Variants in ZFYVE16 observed in about 807,000 individuals in gnomAD.
ZFYVE16 encodes the protein zinc finger FYVE-type containing 16.
Under a neutral mutation model 138.1 loss-of-function variants are expected in ZFYVE16, and 89 were observed. The ratio of observed to expected loss-of-function variants is 0.64; its 90% CI spans 0.54 to 0.77. The LOEUF (loss-of-function observed/expected upper bound fraction) is 0.77, where lower values mean the gene tolerates loss of function less well. Ranked by LOEUF, ZFYVE16 falls within the 30% of genes least tolerant of loss-of-function variation. The pLI is 0.00. For missense variants in ZFYVE16, 1,793 were observed against 1,786.7 expected (o/e 1.00, Z -0.06); for synonymous variants, 596 against 618.3 (o/e 0.96, Z 0.53).
chr5:80,471,842 T>A (rs537039750), intron 15 of ZFYVE16, among the ~76,000 whole-genome samples: 2 of 152,320 alleles, frequency 1.3e-5, no homozygotes, highest in East Asian at 1.9e-4. Flanking sequence ...ATTTTTCACT[T>A]TCTTAAGATG....
intron 1 of ZFYVE16, among the ~76,000 whole-genome samples, chr5:80,413,896 G>T (rs1168784566): frequency 2.0e-5 from 3 of 152,172 alleles, no homozygotes; most frequent in Admixed American, 2.0e-4. Context: ...TATTACAGAA[G>T]ATGGGAGTTT....
intron 15 of ZFYVE16, among the ~76,000 whole-genome samples, chr5:80,467,098 T>A (rs1220655266): frequency 6.6e-6 from 1 of 152,192 alleles, no homozygotes; most frequent in Non-Finnish European, 1.5e-5. Context: ...TTTTCCTGAC[T>A]CTAAGCTTAC....
At chr5:80,465,526 C>T (rs1279343436) in intron 15 of ZFYVE16, among the ~76,000 whole-genome samples, 1 of 147,928 alleles carries the variant, frequency 6.8e-6, no homozygotes, top group Admixed American at 6.9e-5. Flanking sequence ...CCATCTCAGC[C>T]TCCTGAGTAG....
At chr5:80,467,056 C>T (rs1384200705) in intron 15 of ZFYVE16, among the ~76,000 whole-genome samples, 1 of 152,076 alleles carries the variant, frequency 6.6e-6, no homozygotes, top group Non-Finnish European at 1.5e-5. Flanking sequence ...CAGGTGGTTC[C>T]CTGGAAGACC....
Position 80,461,582 on chromosome 5 carries a change from A to G in ZFYVE16, c.4024+2088A>G, listed in dbSNP as rs116770449. On this transcript the variant is annotated intron_variant, in intron 15 of 18. Coordinates refer to ENST00000505560, the MANE Select transcript of ZFYVE16 (RefSeq NM_001284236.3). ...CTAGAAGTCCAAGATCAAGGTGCCA[A>G]CAGGGTTGGTTTCTGGTAAGGCTTG... 1.0e-2 allele frequency among the ~76,000 whole-genome samples: 1,520 copies of G among 152,336 alleles called. 11 individuals carry two copies. Among genetic ancestry groups the G allele is most frequent in the Middle Eastern group, 0.037 (11 of 294 alleles).
At chr5:80,415,689 A>G (rs1489593528) in intron 1 of ZFYVE16, among the ~76,000 whole-genome samples, 4 of 151,390 alleles carry the variant, frequency 2.6e-5, no homozygotes, top group Non-Finnish European at 5.9e-5. Flanking sequence ...TTTTTTTGAG[A>G]TGGAGTCTCC....
At chr5:80,414,301 T>TG (rs1263028426) in intron 1 of ZFYVE16, among the ~76,000 whole-genome samples, 1 of 152,232 alleles carries the variant, frequency 6.6e-6, no homozygotes, top group African/African-American at 2.4e-5. Context: ...CTTGATGGGT[T>TG]GCTCTCTAGG....
intron 1 of ZFYVE16, among the ~76,000 whole-genome samples, chr5:80,426,284 ATATATATAT>A (rs1561246440): frequency 3.6e-4 from 53 of 148,466 alleles, no homozygotes; most frequent in Non-Finnish European, 4.9e-4. Flanking sequence ...ATATATATAT[ATATATATAT>A]AATTAAATTT....
chr5:80,477,093 A>G, intron 18 of ZFYVE16, 126 bp from the exon 19 acceptor site: 2 of 753,898 alleles, frequency 2.7e-6, no homozygotes, highest in Non-Finnish European at 3.9e-6. Context: ...ATTTTTTTAT[A>G]AATATATCAA....
chr5:80,446,637 C>T (rs1751386148), intron 7 of ZFYVE16, among the ~76,000 whole-genome samples: 1 of 152,092 alleles, frequency 6.6e-6, no homozygotes, highest in Non-Finnish European at 1.5e-5. Context: ...CCAGGGATCT[C>T]TGAACCACAT....
intron 11 of ZFYVE16, chr5:80,454,209 G>T (rs1189309322): frequency 6.6e-6 from 1 of 152,050 alleles, no homozygotes; most frequent in African/African-American, 2.4e-5. Context: ...GCTAATGTTG[G>T]GTATGTGGTG....
chr5:80,438,372 C>G lies in ZFYVE16; in HGVS notation c.1687C>G (p.Gln563Glu), dbSNP rs762641695. The G allele has an allele frequency of 5.6e-6, 9 of 1,613,380 alleles. No homozygotes were observed. The African/African-American group carries it at 1.2e-4, about 22-fold the overall frequency. Residue 563 changes from glutamine to glutamate, a missense_variant, in exon 4 of 19, where the codon CAG becomes GAG. Physicochemically the swap from Gln to Glu is conservative, Grantham distance 29. This residue lies in a region of ZFYVE16 where 1,295 missense variants were observed against 1,204.3 expected (regional missense o/e 1.08). Transcript: ENST00000505560. ...AAATGACTCTAAATCGCAAATGAAT[C>G]AGATAGATATGAAAGGCTTAGATGA... ...NVNDSKSQMNQIDMKGLDDGN... is the reference protein window; with the variant it reads ...NVNDSKSQMNEIDMKGLDDGN...
intron 1 of ZFYVE16, among the ~76,000 whole-genome samples, chr5:80,414,251 C>T (rs1745880868): frequency 6.6e-6 from 1 of 152,218 alleles, no homozygotes; most frequent in African/African-American, 2.4e-5. Context: ...GATTCAAACA[C>T]ATCTGATAAT....
intron 1 of ZFYVE16, among the ~76,000 whole-genome samples, chr5:80,423,488 T>C (rs113830692): frequency 0.016 from 2,469 of 152,208 alleles, 58 homozygotes; most frequent in African/African-American, 0.055. Context: ...ATTTCTCTAT[T>C]GTTTTCCTGT....
In ZFYVE16 at chr5:80,477,492, A is replaced by G. The variant is rs1195197928; in HGVS notation, c.*115A>G. Reference sequence around the variant, plus strand: ...TAAATATGTCTGATTTTTGAAACACATAAGCTTTGCTCTTTAGGCAGGAAT... The same window carrying G: ...TAAATATGTCTGATTTTTGAAACACGTAAGCTTTGCTCTTTAGGCAGGAAT... On this transcript the variant is annotated 3_prime_UTR_variant, in exon 19 of 19. Transcript: ENST00000505560. 1 of 970,906 alleles carries G rather than the reference A, an allele frequency of 1.0e-6. No individual in the cohort carries two copies. Among genetic ancestry groups the G allele is most frequent in the East Asian group, 3.0e-5 (1 of 33,568 alleles). 60.1% of individuals were successfully genotyped at this position (970,906 alleles called of 1,614,324 possible).
At chr5:80,410,717 C>T (rs775127849) in intron 1 of ZFYVE16, among the ~76,000 whole-genome samples, 1 of 151,688 alleles carries the variant, frequency 6.6e-6, no homozygotes, top group East Asian at 2.0e-4. Flanking sequence ...ACTACAGGCA[C>T]GCGCCCCCAT....
intron 7 of ZFYVE16, among the ~76,000 whole-genome samples, chr5:80,446,037 A>G (rs1751311758): frequency 6.6e-6 from 1 of 151,434 alleles, no homozygotes; most frequent in Non-Finnish European, 1.5e-5. Context: ...CTGGGATTAC[A>G]GGCATCCACC....
intron 18 of ZFYVE16, among the ~76,000 whole-genome samples, chr5:80,476,585 C>G (rs929654505): frequency 1.6e-4 from 25 of 152,154 alleles, no homozygotes; most frequent in African/African-American, 5.6e-4. Flanking sequence ...TTCCAACATC[C>G]AATATAGATT....
intron 17 of ZFYVE16, 27 bp from the exon 18 acceptor site, chr5:80,474,636 C>T (rs1429044024): frequency 6.3e-7 from 1 of 1,575,524 alleles, no homozygotes; most frequent in Non-Finnish European, 8.6e-7. Flanking sequence ...TTAATCATGA[C>T]TTGTTTCCTA....
Sources: allele counts gnomAD v4.1 joint callset (sites outside exome capture counted in the v4.1 genomes callset), GRCh38; gene constraint gnomAD v4.1.1; regional missense constraint gnomAD v4.1.1; transcripts MANE v1.5; gene names NCBI Gene and HGNC (gene_info 2026-07-23, HGNC 2026-07-21).